The following TTC5 variants were observed in gnomAD, a reference collection of about 807,000 sequenced individuals.
TTC5 encodes the protein tetratricopeptide repeat protein 5.
TTC5 carries 46 observed loss-of-function variants against 57.4 expected under a neutral mutation model. That is an observed-to-expected ratio of 0.80 (90% confidence interval 0.63 to 1.03). The LOEUF is 1.03. Among genes scored for constraint, TTC5 ranks in the 50% least tolerant of loss-of-function variants. The probability of loss-of-function intolerance (pLI) is 0.00; values close to 1 mark genes in which losing one functional copy is unlikely to be tolerated. For synonymous variants in TTC5, 190 were observed against 203.5 expected, an observed-to-expected ratio of 0.93 and a Z score of 0.57; for missense variants, 504 against 528.1, an observed-to-expected ratio of 0.95 and a Z score of 0.45.
At chr14:20,295,889 C>G (rs1566390244) in intron 6 of TTC5, 35 bp from the exon 7 acceptor site, 4 of 1,526,916 alleles carry the variant, frequency 2.6e-6, no homozygotes, top group Non-Finnish European at 8.8e-7. Context: ...ATAAGTATAT[C>G]CAGACAAACT....
Position 20,295,491 on chromosome 14 carries a change from C to G in TTC5, c.879G>C (p.Leu293=), listed in dbSNP as rs767693604. 8 of 1,613,472 alleles carry G rather than the reference C, an allele frequency of 5.0e-6. No homozygotes were observed. The highest frequency in any genetic ancestry group is 6.8e-6 in the Non-Finnish European group (8 of 1,179,524). ...KVKTKKLQSM[L]GSLRPAHLGP... Reference sequence around the variant, plus strand: ...CTAGATGGGCTGGGCGCAAGCTTCCCAGCATGCTCTGCAGCTTTTTGGTCT... The same window carrying G: ...CTAGATGGGCTGGGCGCAAGCTTCCGAGCATGCTCTGCAGCTTTTTGGTCT... Residue 293 remains leucine, a synonymous_variant, in exon 8 of 10, where the codon CTG becomes CTC. Transcript: ENST00000258821.
intron 5 of TTC5, among the ~76,000 whole-genome samples, chr14:20,298,075 A>G (rs1449318529): frequency 2.6e-5 from 4 of 152,204 alleles, no homozygotes; most frequent in Admixed American, 2.6e-4. Flanking sequence ...AAGTAATGAT[A>G]AGTTAAAAAG....
At chr14:20,300,909 G>A in intron 2 of TTC5, 91 bp from the exon 3 acceptor site, 1 of 1,009,384 alleles carries the variant, frequency 9.9e-7, no homozygotes, top group South Asian at 1.6e-5. Flanking sequence ...TCAGTTTTAG[G>A]AATAAAAAGA....
chr14:20,295,442 G>A lies in TTC5; in HGVS notation c.928C>T (p.Gln310Ter). 1.2e-6 allele frequency: 2 copies of A among 1,614,158 alleles called. No homozygotes were observed. Among genetic ancestry groups the A allele is most frequent in the African/African-American group, 2.7e-5 (2 of 75,028 alleles). The change falls in exon 8 of 10, where the codon CAG becomes TAG. Residue 310 changes from glutamine (Q) to a stop codon, truncating the protein, a stop_gained. Coordinates refer to ENST00000258821, the MANE Select transcript of TTC5 (RefSeq NM_138376.3). LOFTEE classifies it high-confidence loss of function. ...HLGPCSDGHY[Q>*]SASGQKVTLE... ...GTCACTTTCTGCCCAGAGGCTGACT[G>A]ATAGTGCCCATCACTGCAAGGGCCT... is the stretch of plus-strand genomic sequence containing the variant.
At position 20,289,397 on chromosome 14, in the gene TTC5, G is replaced by A. The variant is rs1881905915; in HGVS notation, c.*230C>T. The A allele has an allele frequency of 2.6e-6, 1 of 379,682 alleles. No individual in the cohort carries two copies. Among genetic ancestry groups the A allele is most frequent in the Admixed American group, 3.9e-5 (1 of 25,412 alleles). 23.5% of individuals were successfully genotyped at this position (379,682 alleles called of 1,614,324 possible). On this transcript the variant is annotated 3_prime_UTR_variant, in exon 10 of 10. Transcript: ENST00000258821. ...CTTTGCTTAAAACATAGAGAGCAGT[G>A]GAAGAGACAGGAGAGATATGCCAGA... is the stretch of plus-strand genomic sequence containing the variant.
At chr14:20,289,859 C>G (rs1881919139) in intron 9 of TTC5, 113 bp from the exon 10 acceptor site, 33 of 1,134,520 alleles carry the variant, frequency 2.9e-5, no homozygotes, top group Non-Finnish European at 3.7e-5. Context: ...TGTATACCCC[C>G]TCTACTTCCA....
rs1594262190 is a variant in TTC5, at chr14:20,292,130, A to C, written c.1059-3T>G. The C allele has an allele frequency of 6.4e-7, 1 of 1,558,942 alleles. No homozygotes were observed. ...CTGAATCTACCAGGCCAAATGTACTACCAAGTAAAGACAGATTAGGAGAGA... is the reference window on the plus strand; with the variant it reads ...CTGAATCTACCAGGCCAAATGTACTCCCAAGTAAAGACAGATTAGGAGAGA... On this transcript the variant is annotated splice_region_variant and splice_polypyrimidine_tract_variant and intron_variant, in intron 8 of 9. Transcript: ENST00000258821.
In TTC5 at chr14:20,288,231, A is replaced by G. The variant is rs951578429; in HGVS notation, c.*1396T>C. 1 of 152,236 alleles carries G rather than the reference A, an allele frequency of 6.6e-6. No homozygotes were observed. Among genetic ancestry groups the G allele is most frequent in the Non-Finnish European group, 1.5e-5 (1 of 68,050 alleles). The allele number at this position is 152,236 out of a possible 1,614,324, so 9.4% of individuals were successfully genotyped here. On this transcript the variant is annotated 3_prime_UTR_variant, in exon 10 of 10. Coordinates refer to ENST00000258821, the MANE Select transcript of TTC5 (RefSeq NM_138376.3). ...CAGATAGATAGATAAAACTTCTCTC[A>G]TCAATGCATTTCTACCATCCATTCT...
rs71410225 is a variant in TTC5 at position 20,302,818 on chromosome 14, C to T, written c.52-853G>A. 7.7e-3 allele frequency among the ~76,000 whole-genome samples: 1,165 copies of T among 152,222 alleles called. 8 individuals are homozygous for T. Among genetic ancestry groups the T allele is most frequent in the Non-Finnish European group, 0.013 (907 of 67,998 alleles). On this transcript the variant is annotated intron_variant, in intron 1 of 9. Coordinates refer to ENST00000258821, the MANE Select transcript of TTC5 (RefSeq NM_138376.3). ...AATGCGGTCAAAACGTTGTTTCAGG[C>T]ACAAAATTATTAAAAATATTGTATC... is the stretch of plus-strand genomic sequence containing the variant.
At position 20,299,417 on chromosome 14, in the gene TTC5, G is replaced by T; in HGVS notation, c.428C>A (p.Ser143Ter). 6.2e-7 allele frequency: 1 copy of T among 1,614,012 alleles called. No homozygotes were observed. ...AGTCCGCAGCTGACGAAGCACCATT[G>T]ACAGGTTTTGCAAGGAGACTTTGTT... is the stretch of plus-strand genomic sequence containing the variant. ...CRNKVSLQNL[S>*]MVLRQLRTDT... The change falls in exon 4 of 10, where the codon TCA (serine) becomes TAA (stop). Residue 143 changes from serine (S) to a stop codon, truncating the protein, a stop_gained. Transcript: ENST00000258821. LOFTEE classifies it high-confidence loss of function.
chr14:20,296,271 C>T (rs1882060883), intron 6 of TTC5, 119 bp downstream of exon 6: 1 of 822,932 alleles, frequency 1.2e-6, no homozygotes, highest in Non-Finnish European at 2.1e-6. Flanking sequence ...AATAGCATGG[C>T]TTTCCTCTCG....
At chr14:20,289,801 C>G in intron 9 of TTC5, 55 bp from the exon 10 acceptor site, 1 of 1,550,302 alleles carries the variant, frequency 6.5e-7, no homozygotes, top group Non-Finnish European at 8.7e-7. Context: ...GGAAAAAGCT[C>G]CAGCATGGGG....
At chr14:20,291,688 G>A (rs1257416634) in intron 9 of TTC5, among the ~76,000 whole-genome samples, 1 of 152,002 alleles carries the variant, frequency 6.6e-6, no homozygotes, top group African/African-American at 2.4e-5. Flanking sequence ...GTATATATTT[G>A]TGAAAAGAAA....
rs368028837 is a variant in TTC5, at chr14:20,296,209, C to G, written c.696+181G>C. On this transcript the variant is annotated intron_variant, in intron 6 of 9. Coordinates refer to ENST00000258821, the MANE Select transcript of TTC5 (RefSeq NM_138376.3). ...ACCTCCACAGCCCCTTCTCCTTTCC[C>G]TCCAGTGACTACACCAGATACTGAA... Among the ~76,000 whole-genome samples, 8 of 152,180 alleles carry G rather than the reference C, an allele frequency of 5.3e-5. No individual in the cohort carries two copies. In the East Asian group the frequency reaches 1.3e-3, roughly 26 times the overall value.
intron 5 of TTC5, among the ~76,000 whole-genome samples, chr14:20,297,428 G>A (rs1882088581): frequency 6.6e-6 from 1 of 152,104 alleles, no homozygotes; most frequent in African/African-American, 2.4e-5. Context: ...TGTTTAAATG[G>A]TTGGTTCAGA....
intron 7 of TTC5, 59 bp downstream of exon 7, chr14:20,295,649 T>C: frequency 1.9e-6 from 3 of 1,556,788 alleles, no homozygotes; most frequent in Non-Finnish European, 2.6e-6. Context: ...TCTTATTTTA[T>C]TGACCCACGA....
rs1444516937 is a variant in TTC5 at position 20,288,508 on chromosome 14, C to G, written c.*1119G>C. ...ATCGGCTCACTGCAACCTCCACTTC[C>G]CAGGTTCAAGCAATTCTCTGCCTCA... On this transcript the variant is annotated 3_prime_UTR_variant, in exon 10 of 10. Transcript: ENST00000258821. 1 of 152,274 alleles carries G rather than the reference C, an allele frequency of 6.6e-6. No homozygotes were observed. The highest frequency in any genetic ancestry group is 1.5e-5 in the Non-Finnish European group (1 of 68,082). 9.4% of individuals were successfully genotyped at this position (152,274 alleles called of 1,614,324 possible).
chr14:20,291,812 T>C (rs1160697324), intron 9 of TTC5, among the ~76,000 whole-genome samples, 171 bp downstream of exon 9: 1 of 151,928 alleles, frequency 6.6e-6, no homozygotes, highest in Non-Finnish European at 1.5e-5. Flanking sequence ...TTTACCTTTT[T>C]AGTAAAAAAA....
rs780286522 is a variant in TTC5, at chr14:20,295,851, G to T, written c.700C>A (p.His234Asn). 7.6e-6 allele frequency: 12 copies of T among 1,580,238 alleles called. No individual in the cohort carries two copies. Among genetic ancestry groups the T allele is most frequent in the East Asian group, 4.5e-5 (2 of 44,650 alleles). The stretch of plus-strand genomic sequence containing the variant: ...TCCCCATAACTCTCTTCATATTTAT[G>T]CAACTGTACAAGAAGTGTATCCCAA... ...PDLHLNRATLHKYEESYGEAL... is the reference protein window; with the variant it reads ...PDLHLNRATLNKYEESYGEAL... Residue 234 changes from histidine (H) to asparagine (N), a missense_variant, in exon 7 of 10, where the codon CAT becomes AAT. Coordinates refer to ENST00000258821, the MANE Select transcript of TTC5 (RefSeq NM_138376.3).
Sources: allele counts gnomAD v4.1 joint callset (sites outside exome capture counted in the v4.1 genomes callset), GRCh38; gene constraint gnomAD v4.1.1; transcripts MANE v1.5; gene names NCBI Gene and HGNC (gene_info 2026-07-23, HGNC 2026-07-21).